The following PDE3B variants were observed in gnomAD, a reference collection of about 807,000 sequenced individuals.
PDE3B encodes phosphodiesterase 3B, also known as cGMP-inhibited 3',5'-cyclic phosphodiesterase 3B.
In PDE3B, 66 loss-of-function variants were observed where a neutral mutation model predicts 116.8. The observed-to-expected ratio is 0.56, with a 90% CI of 0.46 to 0.69. PDE3B has a LOEUF of 0.69. Ranked by LOEUF, PDE3B falls within the 30% of genes least tolerant of loss-of-function variation. The pLI is 0.00. For synonymous variants in PDE3B, 595 were observed against 533.6 expected, an observed-to-expected ratio of 1.12 and a Z score of -1.59; for missense variants, 1,384 against 1,368.1, an observed-to-expected ratio of 1.01 and a Z score of -0.18.
At chr11:14,722,184 T>C (rs1856133132) in intron 1 of PDE3B, among the ~76,000 whole-genome samples, 1 of 150,558 alleles carries the variant, frequency 6.6e-6, no homozygotes, top group African/African-American at 2.4e-5. Context: ...GGGGAGGGAA[T>C]AGCATTAGGA....
intron 2 of PDE3B, among the ~76,000 whole-genome samples, chr11:14,783,581 G>A (rs1375489682): frequency 6.6e-6 from 1 of 152,086 alleles, no homozygotes; most frequent in Non-Finnish European, 1.5e-5. Flanking sequence ...GACACAGGAA[G>A]GGGAACATCA....
At chr11:14,744,892 A>G (rs1465973191) in intron 1 of PDE3B, among the ~76,000 whole-genome samples, 1 of 152,210 alleles carries the variant, frequency 6.6e-6, no homozygotes, top group African/African-American at 2.4e-5. Flanking sequence ...AGCCCAGGGG[A>G]TAGGGTTATA....
At chr11:14,725,862 T>C (rs1856290872) in intron 1 of PDE3B, among the ~76,000 whole-genome samples, 1 of 151,820 alleles carries the variant, frequency 6.6e-6, no homozygotes, top group South Asian at 2.1e-4. Context: ...GCCCGAATGA[T>C]CTTTTAAAAA....
At chr11:14,661,768 T>C (rs1853924020) in intron 1 of PDE3B, among the ~76,000 whole-genome samples, 1 of 152,140 alleles carries the variant, frequency 6.6e-6, no homozygotes, top group South Asian at 2.1e-4. Context: ...GCGCCTGCCA[T>C]TTCCGAGGCT....
chr11:14,709,352 C>T (rs1855628477), intron 1 of PDE3B, among the ~76,000 whole-genome samples: 1 of 151,906 alleles, frequency 6.6e-6, no homozygotes, highest in Admixed American at 6.6e-5. Flanking sequence ...TTTTTTTTCA[C>T]ATTAAAAAAA....
intron 3 of PDE3B, 87 bp downstream of exon 3, chr11:14,786,772 C>A: frequency 9.1e-7 from 1 of 1,095,742 alleles, no homozygotes; most frequent in Non-Finnish European, 1.3e-6. Flanking sequence ...ATATAGAATA[C>A]AATTTTCGTT....
At chr11:14,683,238 C>T (rs1178847776) in intron 1 of PDE3B, among the ~76,000 whole-genome samples, 1 of 152,138 alleles carries the variant, frequency 6.6e-6, no homozygotes, top group Non-Finnish European at 1.5e-5. Flanking sequence ...CCGTGCCTGG[C>T]CTGATTTTTT....
intron 5 of PDE3B, among the ~76,000 whole-genome samples, chr11:14,811,260 TGGTAATGCCTA>T (rs1272301882): frequency 1.3e-5 from 2 of 152,156 alleles, no homozygotes; most frequent in Admixed American, 6.5e-5. Flanking sequence ...ATGTCCTGAA[TGGTAATGCCTA>T]GGTTTTCTTC....
At chr11:14,803,319 G>A (rs1242477795) in intron 4 of PDE3B, among the ~76,000 whole-genome samples, 2 of 152,158 alleles carry the variant, frequency 1.3e-5, no homozygotes, top group Admixed American at 6.5e-5. Context: ...TCATTGGGTG[G>A]TATTATTTGC....
intron 1 of PDE3B, among the ~76,000 whole-genome samples, chr11:14,656,819 C>T (rs541655312): frequency 1.3e-5 from 2 of 152,168 alleles, no homozygotes; most frequent in South Asian, 4.2e-4. Context: ...TAGTTTATGC[C>T]AAGTTTCTCT....
At chr11:14,803,388 A>G (rs1389364839) in intron 4 of PDE3B, among the ~76,000 whole-genome samples, 1 of 152,186 alleles carries the variant, frequency 6.6e-6, no homozygotes, top group African/African-American at 2.4e-5. Flanking sequence ...AGGATAGGGA[A>G]CAGAAAAAAA....
chr11:14,783,643 G>A (rs1414945655), intron 2 of PDE3B, among the ~76,000 whole-genome samples: 1 of 152,002 alleles, frequency 6.6e-6, no homozygotes, highest in Non-Finnish European at 1.5e-5. Flanking sequence ...AGCTAGCATT[G>A]GGAGATATAC....
At chr11:14,714,048 C>T (rs1467470907) in intron 1 of PDE3B, among the ~76,000 whole-genome samples, 4 of 151,978 alleles carry the variant, frequency 2.6e-5, no homozygotes, top group Non-Finnish European at 4.4e-5. Context: ...GTGGCAGTGG[C>T]AGTGCGCGTG....
chr11:14,892,167 C>A, the PDE3B span: 1 of 1,610,764 alleles, frequency 6.2e-7, no homozygotes, highest in Non-Finnish European at 8.5e-7. Context: ...CGCCGCCGAG[C>A]GCCGCCGCGC....
chr11:14,648,818 A>G (rs1294247670), intron 1 of PDE3B, among the ~76,000 whole-genome samples: 2 of 151,922 alleles, frequency 1.3e-5, no homozygotes, highest in Non-Finnish European at 2.9e-5. Context: ...CATGCATTCT[A>G]GCTATTTGAG....
At chr11:14,655,807 G>A (rs1241307749) in intron 1 of PDE3B, among the ~76,000 whole-genome samples, 5 of 152,208 alleles carry the variant, frequency 3.3e-5, no homozygotes, top group African/African-American at 1.2e-4. Flanking sequence ...TGACATTGTT[G>A]TGGAAATCAG....
intron 1 of PDE3B, among the ~76,000 whole-genome samples, chr11:14,666,372 G>A (rs1185889928): frequency 1.3e-5 from 2 of 151,644 alleles, no homozygotes; most frequent in African/African-American, 4.9e-5. Flanking sequence ...CATAGGCATG[G>A]GCAAGGACTT....
the PDE3B span, chr11:14,880,616 C>T: frequency 6.2e-7 from 1 of 1,609,916 alleles, no homozygotes; most frequent in Non-Finnish European, 8.5e-7. Context: ...AAAGGTCTAC[C>T]TTTGTATGTT....
intron 1 of PDE3B, among the ~76,000 whole-genome samples, chr11:14,729,950 G>A (rs530031605): frequency 4.6e-5 from 7 of 152,122 alleles, no homozygotes; most frequent in Middle Eastern, 3.2e-3. Flanking sequence ...GAAGCTTACA[G>A]AATCACTGAG....
Sources: gnomAD v4.1 joint callset for allele counts (sites outside exome capture counted in the v4.1 genomes callset) on GRCh38, gnomAD v4.1.1 for gene constraint, MANE v1.5 for transcripts, NCBI Gene and HGNC (gene_info 2026-07-23, HGNC 2026-07-21) for gene names.